POLB: variants seen among roughly 807,000 people sequenced by gnomAD.
POLB encodes the protein DNA polymerase beta.
A neutral mutation model predicts 52.7 loss-of-function variants in POLB; 37 were observed. The observed-to-expected ratio is 0.70, with a 90% CI of 0.54 to 0.92. The LOEUF (loss-of-function observed/expected upper bound fraction) is 0.92. Among genes scored for constraint, POLB ranks in the 40% least tolerant of loss-of-function variants. The pLI, the probability that POLB is intolerant of heterozygous loss-of-function variation, is 0.00. For synonymous variants in POLB, 138 were observed against 131.3 expected, an observed-to-expected ratio of 1.05 and a Z score of -0.35; for missense variants, 313 against 400.8, an observed-to-expected ratio of 0.78 and a Z score of 1.87.
intron 2 of POLB, among the ~76,000 whole-genome samples, chr8:42,341,411 A>G (rs2130771049): frequency 6.6e-6 from 1 of 152,288 alleles, no homozygotes; most frequent in South Asian, 2.1e-4. Flanking sequence ...ATCATCAGTC[A>G]TGTGCTTAGA....
intron 7 of POLB, among the ~76,000 whole-genome samples, chr8:42,356,801 G>A (rs978612856): frequency 3.3e-5 from 5 of 152,164 alleles, no homozygotes; most frequent in African/African-American, 9.7e-5. Context: ...GGATATAAGA[G>A]CGGTAAACTG....
chr8:42,363,420 C>T (rs895829751), intron 11 of POLB, among the ~76,000 whole-genome samples: 5 of 145,444 alleles, frequency 3.4e-5, no homozygotes, highest in Admixed American at 1.4e-4. Context: ...CCCAGCTTTT[C>T]GGGAGGCTGA....
intron 6 of POLB, 88 bp from the exon 7 acceptor site, chr8:42,355,428 T>C: frequency 2.7e-6 from 2 of 731,226 alleles, no homozygotes; most frequent in Admixed American, 4.4e-5. Flanking sequence ...CCCCAGGTGG[T>C]TCTTTATAAA....
intron 3 of POLB, among the ~76,000 whole-genome samples, chr8:42,345,539 G>A (rs912268896): frequency 3.9e-5 from 6 of 152,146 alleles, no homozygotes; most frequent in African/African-American, 9.7e-5. Context: ...AGGGTCACAT[G>A]CCTCGTTAAT....
At chr8:42,367,262 T>C (rs1824098020) in intron 11 of POLB, among the ~76,000 whole-genome samples, 1 of 152,196 alleles carries the variant, frequency 6.6e-6, no homozygotes, top group African/African-American at 2.4e-5. Context: ...ATGTGAATTA[T>C]ATAATAGGTT....
intron 9 of POLB, chr8:42,358,057 T>C (rs1246934457): frequency 6.6e-6 from 1 of 152,126 alleles, no homozygotes; most frequent in Non-Finnish European, 1.5e-5. Flanking sequence ...CTAAGAATAA[T>C]GTCTTAGAAG....
intron 3 of POLB, among the ~76,000 whole-genome samples, chr8:42,345,851 A>C (rs1220369345): frequency 6.6e-6 from 1 of 152,278 alleles, no homozygotes; most frequent in East Asian, 1.9e-4. Context: ...TTACTAAATG[A>C]TTCAAAGTTC....
chr8:42,355,951 A>G (rs1167322825), intron 7 of POLB, among the ~76,000 whole-genome samples: 1 of 152,192 alleles, frequency 6.6e-6, no homozygotes, highest in African/African-American at 2.4e-5. Context: ...TTTATAGTCT[A>G]CCCGAGAAGG....
In POLB at chr8:42,350,037, A is replaced by T. The variant is rs1822876627; in HGVS notation, c.292A>T (p.Asn98Tyr). 6.2e-7 allele frequency: 1 copy of T among 1,608,990 alleles called. No homozygotes were observed. Among genetic ancestry groups the T allele is most frequent in the Non-Finnish European group, 8.5e-7 (1 of 1,175,532 alleles). ...GCAGGATGATACGAGTTCATCCATC[A>T]ATTTCCTGACTCGAGTTAGTGGCAT... is the stretch of plus-strand genomic sequence containing the variant. ...IRQDDTSSSINFLTRVSGIGP... is the reference protein window; with the variant it reads ...IRQDDTSSSIYFLTRVSGIGP... The change falls in exon 5 of 14, where the codon AAT becomes TAT. Residue 98 changes from asparagine to tyrosine, a missense_variant. Transcript: ENST00000265421.
At position 42,342,682 on chromosome 8, in the gene POLB, G is replaced by T. The variant is rs1822279350; in HGVS notation, c.120-2271G>T. 2.1e-5 allele frequency: 11 copies of T among 526,742 alleles called. No individual in the cohort carries two copies. The South Asian group carries it at 2.3e-4, about 11-fold the overall frequency. 32.6% of individuals were successfully genotyped at this position (526,742 alleles called of 1,614,324 possible). A position where few individuals can be genotyped will look rare whatever the true frequency, so the allele number is the denominator to read the frequency against. On this transcript the variant is annotated intron_variant, in intron 2 of 13. Coordinates refer to ENST00000265421, the MANE Select transcript of POLB (RefSeq NM_002690.3). The stretch of plus-strand genomic sequence containing the variant: ...GCCCAGCAGCACTAGGGGGTGGAAA[G>T]GCGGGAGCAATTTTTAAAAACTGAT...
intron 2 of POLB, chr8:42,341,821 T>C: frequency 1.8e-6 from 1 of 542,540 alleles, no homozygotes. Flanking sequence ...TCTTTTGAGC[T>C]ATGCGATCTT....
intron 6 of POLB, among the ~76,000 whole-genome samples, chr8:42,355,127 C>T (rs1476733661): frequency 6.6e-6 from 1 of 151,810 alleles, no homozygotes; most frequent in African/African-American, 2.4e-5. Context: ...CAGCTTCCAC[C>T]TCCCAGGTTC....
rs1316172127 is a variant in POLB, at chr8:42,349,101, A to G, written c.261+11A>G. 6.7e-7 allele frequency: 1 copy of G among 1,496,688 alleles called. No homozygotes were observed. Among genetic ancestry groups the G allele is most frequent in the Non-Finnish European group, 9.3e-7 (1 of 1,075,778 alleles). 92.7% of individuals were successfully genotyped at this position (1,496,688 alleles called of 1,614,324 possible). On this transcript the variant is annotated intron_variant, in intron 4 of 13. Coordinates refer to ENST00000265421, the MANE Select transcript of POLB (RefSeq NM_002690.3). ...CGTAAACTGGAAAAGGTAAAATTTT[A>G]ACTTGTTTACTTCATTAATTATAGT...
chr8:42,356,980 A>G (rs1441512902), intron 7 of POLB, among the ~76,000 whole-genome samples, 189 bp from the exon 8 acceptor site: 1 of 152,208 alleles, frequency 6.6e-6, no homozygotes, highest in East Asian at 1.9e-4. Flanking sequence ...TATCCAGTTT[A>G]GGAATAAACC....
intron 9 of POLB, among the ~76,000 whole-genome samples, chr8:42,358,716 C>T (rs760531320): frequency 5.3e-5 from 8 of 152,124 alleles, no homozygotes; most frequent in Non-Finnish European, 8.8e-5. Flanking sequence ...TCCATACTCA[C>T]TGATCAGTAG....
chr8:42,360,345 G>A (rs374707142), intron 9 of POLB, among the ~76,000 whole-genome samples: 4 of 152,082 alleles, frequency 2.6e-5, no homozygotes, highest in African/African-American at 9.7e-5. Flanking sequence ...TGGGAGGATC[G>A]CAAAGACACT....
At chr8:42,367,977 T>C (rs1304691534) in intron 11 of POLB, among the ~76,000 whole-genome samples, 1 of 152,216 alleles carries the variant, frequency 6.6e-6, no homozygotes, top group Non-Finnish European at 1.5e-5. Context: ...AGAGGTTTTA[T>C]TTCCGACACT....
chr8:42,339,229 G>A (rs1407404290), intron 2 of POLB, 160 bp downstream of exon 2: 8 of 666,192 alleles, frequency 1.2e-5, no homozygotes, highest in Non-Finnish European at 1.7e-5. Context: ...GAAGAATGTG[G>A]GCAGTGCGTT....
intron 13 of POLB, chr8:42,370,259 GTTTTT>G (rs34271342): frequency 3.3e-3 from 943 of 289,276 alleles, no homozygotes; most frequent in East Asian, 4.1e-3. Context: ...ATCTAAAAGG[GTTTTT>G]TTTTTTTTTT....
Sources: allele counts gnomAD v4.1 joint callset (sites outside exome capture counted in the v4.1 genomes callset), GRCh38; gene constraint gnomAD v4.1.1; transcripts MANE v1.5; gene names NCBI Gene and HGNC (gene_info 2026-07-23, HGNC 2026-07-21).